SPATS2: variants seen among roughly 807,000 people sequenced by gnomAD.
The protein encoded by SPATS2 is spermatogenesis associated serine rich 2, also known as spermatogenesis-associated serine-rich protein 2.
A neutral mutation model predicts 63.7 loss-of-function variants in SPATS2; 38 were observed. The ratio of observed to expected loss-of-function variants is 0.60; its 90% CI spans 0.46 to 0.78. SPATS2 has a LOEUF of 0.78. Among genes scored for constraint, SPATS2 ranks in the 30% least tolerant of loss-of-function variants. The pLI, the probability that SPATS2 is intolerant of heterozygous loss-of-function variation, is 0.00. For missense variants in SPATS2, 588 were observed against 666.2 expected (o/e 0.88, Z 1.29); for synonymous variants, 207 against 232.9 (o/e 0.89, Z 1.01).
At chr12:49,461,847 G>C (rs926368243) in intron 3 of SPATS2, among the ~76,000 whole-genome samples, 2 of 152,156 alleles carry the variant, frequency 1.3e-5, no homozygotes, top group Non-Finnish European at 2.9e-5. Context: ...TCATTGTGTA[G>C]TAAATCTATA....
chr12:49,469,987 T>C (rs1014921307), intron 3 of SPATS2, among the ~76,000 whole-genome samples: 2 of 152,166 alleles, frequency 1.3e-5, no homozygotes, highest in Non-Finnish European at 2.9e-5. Flanking sequence ...CTGTACTTTT[T>C]TGACAACTCA....
intron 7 of SPATS2, among the ~76,000 whole-genome samples, chr12:49,495,617 A>T (rs1946452416): frequency 6.6e-6 from 1 of 152,212 alleles, no homozygotes; most frequent in African/African-American, 2.4e-5. Flanking sequence ...GGAGTTATTC[A>T]TATCCTACTG....
At chr12:49,395,038 A>C (rs1592356060) in intron 2 of SPATS2, among the ~76,000 whole-genome samples, 1 of 151,936 alleles carries the variant, frequency 6.6e-6, no homozygotes, top group Non-Finnish European at 1.5e-5. Flanking sequence ...CCACCACCGC[A>C]CTCCAGCCTG....
At chr12:49,485,609 G>A (rs1379011400) in intron 4 of SPATS2, among the ~76,000 whole-genome samples, 4 of 151,962 alleles carry the variant, frequency 2.6e-5, no homozygotes, top group East Asian at 1.9e-4. Flanking sequence ...TGATCCACCC[G>A]CCTCAGCCTC....
At chr12:49,427,132 CAA>C (rs1162671267) in intron 2 of SPATS2, among the ~76,000 whole-genome samples, 1 of 152,100 alleles carries the variant, frequency 6.6e-6, no homozygotes, top group African/African-American at 2.4e-5. Flanking sequence ...CTATGGCAAA[CAA>C]TAAAGTTTTT....
intron 1 of SPATS2, among the ~76,000 whole-genome samples, chr12:49,368,427 A>G (rs1483136034): frequency 1.3e-5 from 2 of 152,220 alleles, no homozygotes; most frequent in Non-Finnish European, 2.9e-5. Context: ...TAGGTCAGTG[A>G]TAATGCAGAT....
intron 2 of SPATS2, among the ~76,000 whole-genome samples, chr12:49,413,882 A>G (rs1342638985): frequency 6.6e-6 from 1 of 152,186 alleles, no homozygotes; most frequent in East Asian, 1.9e-4. Flanking sequence ...GAAATACAGA[A>G]AAATGGGAGG....
chr12:49,415,703 G>A (rs1426454965), intron 2 of SPATS2, among the ~76,000 whole-genome samples: 3 of 152,044 alleles, frequency 2.0e-5, no homozygotes, highest in South Asian at 2.1e-4. Flanking sequence ...TTTAAGCCAG[G>A]GGCCTGCAAC....
chr12:49,507,691 G>T (rs989351526), intron 9 of SPATS2, among the ~76,000 whole-genome samples: 1 of 152,170 alleles, frequency 6.6e-6, no homozygotes, highest in Non-Finnish European at 1.5e-5. Context: ...TAATCGCAGT[G>T]AGAGTGTAAT....
intron 2 of SPATS2, among the ~76,000 whole-genome samples, chr12:49,405,725 G>T (rs1207579097): frequency 1.3e-5 from 2 of 152,222 alleles, no homozygotes; most frequent in Non-Finnish European, 1.5e-5. Context: ...AAAAAGGAGG[G>T]ACTTGAGCTT....
At chr12:49,419,586 T>C (rs1461784750) in intron 2 of SPATS2, among the ~76,000 whole-genome samples, 1 of 152,228 alleles carries the variant, frequency 6.6e-6, no homozygotes, top group Non-Finnish European at 1.5e-5. Flanking sequence ...TGATATACCC[T>C]TTCCTTTCTG....
intron 11 of SPATS2, among the ~76,000 whole-genome samples, 163 bp from the exon 12 acceptor site, chr12:49,522,588 T>C (rs1946959353): frequency 6.6e-6 from 1 of 152,246 alleles, no homozygotes; most frequent in African/African-American, 2.4e-5. Context: ...AGAAAATGAA[T>C]GAATTTATTC....
chr12:49,459,557 CG>C (rs1945781452), intron 2 of SPATS2, among the ~76,000 whole-genome samples: 1 of 151,328 alleles, frequency 6.6e-6, no homozygotes, highest in Non-Finnish European at 1.5e-5. Flanking sequence ...CATGTTGGTC[CG>C]GCTGGTCTTG....
At chr12:49,470,932 C>T (rs1946024161) in intron 3 of SPATS2, among the ~76,000 whole-genome samples, 1 of 152,196 alleles carries the variant, frequency 6.6e-6, no homozygotes, top group Admixed American at 6.5e-5. Flanking sequence ...GTGTGACATC[C>T]TCTTTTTTAA....
chr12:49,467,744 G>A (rs1258609391), intron 3 of SPATS2, among the ~76,000 whole-genome samples: 1 of 152,032 alleles, frequency 6.6e-6, no homozygotes. Flanking sequence ...TGTCGCCCAG[G>A]CTAGAGTGCA....
intron 9 of SPATS2, among the ~76,000 whole-genome samples, chr12:49,512,317 AAAAG>A (rs961747767): frequency 5.3e-5 from 8 of 152,238 alleles, no homozygotes; most frequent in Non-Finnish European, 1.0e-4. Flanking sequence ...ACAACAAACA[AAAAG>A]AAACAGAAGT....
At chr12:49,462,822 A>G (rs1232160255) in intron 3 of SPATS2, 1 of 258,362 alleles carries the variant, frequency 3.9e-6, no homozygotes, top group Non-Finnish European at 7.5e-6. Flanking sequence ...CGACATCCTG[A>G]CGTCCAGCTA....
At chr12:49,458,066 AATT>A (rs1165249968) in intron 2 of SPATS2, among the ~76,000 whole-genome samples, 1 of 152,176 alleles carries the variant, frequency 6.6e-6, no homozygotes, top group East Asian at 1.9e-4. Flanking sequence ...TCAAATTGGA[AATT>A]ATTTAATATA....
At chr12:49,411,914 T>C (rs1592371660) in intron 2 of SPATS2, among the ~76,000 whole-genome samples, 1 of 152,190 alleles carries the variant, frequency 6.6e-6, no homozygotes, top group Non-Finnish European at 1.5e-5. Flanking sequence ...GTTTATAATA[T>C]GTGAAAATCA....
Sources: gnomAD v4.1 joint callset for allele counts (sites outside exome capture counted in the v4.1 genomes callset) on GRCh38, gnomAD v4.1.1 for gene constraint, MANE v1.5 for transcripts, NCBI Gene and HGNC (gene_info 2026-07-23, HGNC 2026-07-21) for gene names.